DLGAP2: variants seen among roughly 807,000 people sequenced by gnomAD.
The protein encoded by DLGAP2 is DLG associated protein 2, also known as disks large-associated protein 2.
Under a neutral mutation model 100.3 loss-of-function variants are expected in DLGAP2, and 26 were observed. The observed-to-expected ratio is 0.26, with a 90% CI of 0.19 to 0.36. The LOEUF (loss-of-function observed/expected upper bound fraction) is 0.36, where lower values mean the gene tolerates loss of function less well. Among genes scored for constraint, DLGAP2 ranks in the 10% least tolerant of loss-of-function variants. DLGAP2 has a pLI of 1.00. For synonymous variants in DLGAP2, 886 were observed against 630.1 expected, an observed-to-expected ratio of 1.41 and a Z score of -6.08; for missense variants, 1,858 against 1,453.2, an observed-to-expected ratio of 1.28 and a Z score of -4.53.
intron 1 of DLGAP2, among the ~76,000 whole-genome samples, chr8:888,309 T>C (rs558594321): frequency 6.6e-6 from 1 of 152,348 alleles, no homozygotes; most frequent in South Asian, 2.1e-4. Context: ...CTTAGCTTCT[T>C]TGCACTGGGT....
At chr8:940,617 C>T (rs968034221) in intron 2 of DLGAP2, among the ~76,000 whole-genome samples, 16 of 151,916 alleles carry the variant, frequency 1.1e-4, no homozygotes, top group Admixed American at 7.2e-4. Flanking sequence ...CAGCCTGGGA[C>T]GTTTTCGGGG....
chr8:1,267,872 C>G (rs1563052335), intron 3 of DLGAP2, among the ~76,000 whole-genome samples: 1 of 152,058 alleles, frequency 6.6e-6, no homozygotes, highest in Non-Finnish European at 1.5e-5. Flanking sequence ...TCACACCCAC[C>G]CTAGTCCTCT....
chr8:1,652,343 T>C (rs1313749339), intron 8 of DLGAP2, among the ~76,000 whole-genome samples: 1 of 152,174 alleles, frequency 6.6e-6, no homozygotes, highest in Non-Finnish European at 1.5e-5. Flanking sequence ...GAATATAAGT[T>C]CCACAGGGGC....
Position 1,625,816 on chromosome 8 carries a change from C to G in DLGAP2, c.1443-924C>G, listed in dbSNP as rs181207034. On this transcript the variant is annotated intron_variant, in intron 6 of 14. Coordinates refer to ENST00000637795, the MANE Select transcript of DLGAP2 (RefSeq NM_001346810.2). ...AAGGCAATTTTGTAAATAGCCTCCC[C>G]TATTACTTTTGATGAAATTCACATT... is the stretch of plus-strand genomic sequence containing the variant. Among the ~76,000 whole-genome samples, 80 of 152,382 alleles carry G rather than the reference C, an allele frequency of 5.2e-4. 1 individual carries two copies. Among genetic ancestry groups the G allele is most frequent in the African/African-American group, 1.8e-3 (74 of 41,592 alleles).
At chr8:1,185,009 A>C (rs537348353) in intron 2 of DLGAP2, among the ~76,000 whole-genome samples, 1 of 151,946 alleles carries the variant, frequency 6.6e-6, no homozygotes, top group African/African-American at 2.4e-5. Flanking sequence ...GGAGCTGTTG[A>C]AGGGTCTGAC....
At chr8:1,432,775 G>A (rs1797489581) in intron 3 of DLGAP2, among the ~76,000 whole-genome samples, 1 of 152,344 alleles carries the variant, frequency 6.6e-6, no homozygotes, top group African/African-American at 2.4e-5. Context: ...GGTTACGGGT[G>A]ATTCCCGCGA....
intron 4 of DLGAP2, among the ~76,000 whole-genome samples, chr8:1,533,651 A>T (rs1801060307): frequency 6.6e-6 from 1 of 152,208 alleles, no homozygotes; most frequent in Non-Finnish European, 1.5e-5. Context: ...TTTATACCAA[A>T]GGTTCTGAGT....
At position 1,268,808 on chromosome 8, in the gene DLGAP2, T is replaced by C. The variant is rs189120884; in HGVS notation, c.106+9925T>C. On this transcript the variant is annotated intron_variant, in intron 3 of 14. Transcript: ENST00000637795. ...TGCACACTGGGAAATGTCAGCATTGTTCTGGGGTCTCACTCTGACTTGGCA... is the reference window on the plus strand; with the variant it reads ...TGCACACTGGGAAATGTCAGCATTGCTCTGGGGTCTCACTCTGACTTGGCA... Among the ~76,000 whole-genome samples, 210 of 152,356 alleles carry C rather than the reference T, an allele frequency of 1.4e-3. 1 individual carries two copies. Among genetic ancestry groups the C allele is most frequent in the African/African-American group, 4.9e-3 (204 of 41,578 alleles).
At chr8:1,532,901 G>T (rs1213511953) in intron 4 of DLGAP2, among the ~76,000 whole-genome samples, 1 of 152,112 alleles carries the variant, frequency 6.6e-6, no homozygotes, top group African/African-American at 2.4e-5. Flanking sequence ...CCTCATGAGC[G>T]TGGCTGCCTT....
chr8:1,135,507 T>TTTG (rs1441840745), intron 2 of DLGAP2, among the ~76,000 whole-genome samples: 1 of 130,872 alleles, frequency 7.6e-6, no homozygotes, highest in East Asian at 2.1e-4. Flanking sequence ...TTGTGGGTTT[T>TTTG]TTTTTTTTTT....
At chr8:1,057,665 G>A (rs532019185) in intron 2 of DLGAP2, among the ~76,000 whole-genome samples, 191 of 152,266 alleles carry the variant, frequency 1.3e-3, no homozygotes, top group African/African-American at 4.1e-3. Flanking sequence ...GAAAACCTCC[G>A]GTGTAATTTT....
intron 1 of DLGAP2, among the ~76,000 whole-genome samples, chr8:797,282 C>G (rs1314426726): frequency 6.6e-6 from 1 of 152,160 alleles, no homozygotes; most frequent in Non-Finnish European, 1.5e-5. Context: ...ATTTTTCCTA[C>G]TCTTAAAAAA....
At chr8:1,443,970 A>C (rs77463264) in intron 3 of DLGAP2, among the ~76,000 whole-genome samples, 3,942 of 152,298 alleles carry the variant, frequency 0.026, 148 homozygotes, top group African/African-American at 0.089. Context: ...GCTGTGACTT[A>C]AGCTTTCTAG....
At chr8:1,411,052 C>G (rs1036750586) in intron 3 of DLGAP2, among the ~76,000 whole-genome samples, 1 of 152,108 alleles carries the variant, frequency 6.6e-6, no homozygotes, top group Non-Finnish European at 1.5e-5. Context: ...TAAAAGGTGA[C>G]TAAAGTGTCA....
At chr8:973,961 G>A (rs1160507984) in intron 2 of DLGAP2, among the ~76,000 whole-genome samples, 4 of 151,464 alleles carry the variant, frequency 2.6e-5, no homozygotes, top group Non-Finnish European at 5.9e-5. Flanking sequence ...CGCGCAGACC[G>A]GGCCACTCGG....
At chr8:882,848 GC>G (rs1354481636) in intron 1 of DLGAP2, among the ~76,000 whole-genome samples, 1 of 152,234 alleles carries the variant, frequency 6.6e-6, no homozygotes, top group East Asian at 1.9e-4. Context: ...GTTCCCCTCC[GC>G]CCCGTGGTGT....
chr8:1,062,584 A>C (rs931462601), intron 2 of DLGAP2, among the ~76,000 whole-genome samples: 2 of 152,110 alleles, frequency 1.3e-5, no homozygotes, highest in Non-Finnish European at 2.9e-5. Flanking sequence ...AGCTGGTAGC[A>C]CTCAACTAGT....
intron 1 of DLGAP2, among the ~76,000 whole-genome samples, chr8:777,959 C>G (rs1242665902): frequency 6.6e-6 from 1 of 152,102 alleles, no homozygotes; most frequent in East Asian, 1.9e-4. Flanking sequence ...CAACTTGGTT[C>G]CATTCTCCCC....
chr8:1,566,728 C>T (rs1025118654), intron 6 of DLGAP2, among the ~76,000 whole-genome samples: 14 of 152,330 alleles, frequency 9.2e-5, no homozygotes, highest in East Asian at 3.9e-4. Context: ...TCTCTATCCA[C>T]GCCGAGTGCA....
Sources: gnomAD v4.1 joint callset for allele counts (sites outside exome capture counted in the v4.1 genomes callset) on GRCh38, gnomAD v4.1.1 for gene constraint, MANE v1.5 for transcripts, NCBI Gene and HGNC (gene_info 2026-07-23, HGNC 2026-07-21) for gene names.